CNST: variants seen among roughly 807,000 people sequenced by gnomAD.
The protein encoded by CNST is consortin, connexin sorting protein.
In CNST, 39 loss-of-function variants were observed where a neutral mutation model predicts 72.4. The ratio of observed to expected loss-of-function variants is 0.54; its 90% CI spans 0.42 to 0.70. CNST has a LOEUF of 0.70. Ranked by LOEUF, CNST falls within the 30% of genes least tolerant of loss-of-function variation. The probability of loss-of-function intolerance (pLI) is 0.00; values close to 1 mark genes in which losing one functional copy is unlikely to be tolerated. For synonymous variants in CNST, 332 were observed against 320.1 expected (o/e 1.04, Z -0.40); for missense variants, 871 against 868.5 (o/e 1.00, Z -0.04).
chr1:246,567,435 C>G (rs3120715), intron 1 of CNST, among the ~76,000 whole-genome samples: 14,836 of 151,748 alleles, frequency 0.098, 1,015 homozygotes, highest in East Asian at 0.17. Flanking sequence ...AAACTTAGAG[C>G]TTTTACCCAT....
At chr1:246,632,358 C>T in intron 4 of CNST, 1 of 275,848 alleles carries the variant, frequency 3.6e-6, no homozygotes, top group Non-Finnish European at 7.2e-6. Flanking sequence ...TGGTGAATCT[C>T]GTCGTATCTG....
chr1:246,629,509 G>A (rs1372407266), intron 3 of CNST, among the ~76,000 whole-genome samples: 1 of 152,120 alleles, frequency 6.6e-6, no homozygotes, highest in Non-Finnish European at 1.5e-5. Flanking sequence ...AGGAAATCTG[G>A]TGACATAATA....
At chr1:246,572,655 G>T (rs1338221039) in intron 1 of CNST, among the ~76,000 whole-genome samples, 2 of 151,998 alleles carry the variant, frequency 1.3e-5, no homozygotes, top group Non-Finnish European at 2.9e-5. Flanking sequence ...CCAGCCAAAT[G>T]TATGTTTTAT....
chr1:246,589,167 A>AG (rs1661379638), intron 1 of CNST, among the ~76,000 whole-genome samples: 1 of 151,956 alleles, frequency 6.6e-6, no homozygotes, highest in South Asian at 2.1e-4. Context: ...CACAATGTGC[A>AG]GGTTTGTTAC....
At chr1:246,600,042 G>A (rs1662166453) in intron 2 of CNST, among the ~76,000 whole-genome samples, 1 of 152,208 alleles carries the variant, frequency 6.6e-6, no homozygotes, top group South Asian at 2.1e-4. Context: ...AAGGTTGTCA[G>A]GAGGAGTTGG....
At position 246,665,709 on chromosome 1, in the gene CNST, G is replaced by A. The variant is rs1181492714; in HGVS notation, c.1982G>A (p.Gly661Glu). The change falls in exon 11 of 11, where the codon GGA becomes GAA. Residue 661 changes from glycine to glutamate, a missense_variant. Coordinates refer to ENST00000366513, the MANE Select transcript of CNST (RefSeq NM_152609.3). Reference sequence around the variant, plus strand: ...TTTCTCATGTTTGCAGATGAAGTTGGAGGTGGCTCCTGTATTTTGCTGGTC... The same window carrying A: ...TTTCTCATGTTTGCAGATGAAGTTGAAGGTGGCTCCTGTATTTTGCTGGTC... ...IDDSLDQDEVGGGSCILLVLL... is the reference protein window; with the variant it reads ...IDDSLDQDEVEGGSCILLVLL... The A allele has an allele frequency of 1.2e-5, 19 of 1,612,736 alleles. No individual in the cohort carries two copies. Among genetic ancestry groups the A allele is most frequent in the Non-Finnish European group, 1.6e-5 (19 of 1,179,974 alleles).
intron 1 of CNST, among the ~76,000 whole-genome samples, chr1:246,581,413 G>A (rs1660776114): frequency 6.6e-6 from 1 of 152,172 alleles, no homozygotes; most frequent in South Asian, 2.1e-4. Context: ...ACAGGCATGC[G>A]CCTCCACGCC....
At chr1:246,653,840 C>G (rs943249503) in intron 9 of CNST, among the ~76,000 whole-genome samples, 1 of 152,154 alleles carries the variant, frequency 6.6e-6, no homozygotes, top group East Asian at 1.9e-4. Flanking sequence ...ATTGGTCTTA[C>G]GTTAGCACTC....
chr1:246,634,639 G>A (rs1289986676), intron 6 of CNST, 52 bp downstream of exon 6: 2 of 888,456 alleles, frequency 2.3e-6, no homozygotes, highest in Non-Finnish European at 3.6e-6. Flanking sequence ...TATTGAAGAA[G>A]CATTATAGCA....
chr1:246,622,980 C>T (rs1664189845), intron 3 of CNST, among the ~76,000 whole-genome samples: 6 of 152,020 alleles, frequency 3.9e-5, no homozygotes, highest in Admixed American at 2.0e-4. Context: ...CACACCACCA[C>T]GCCTGGCTAA....
In CNST at chr1:246,577,516, G is replaced by T. The variant is rs143989599; in HGVS notation, c.-52+10853G>T. On this transcript the variant is annotated intron_variant, in intron 1 of 10. Coordinates refer to ENST00000366513, the MANE Select transcript of CNST (RefSeq NM_152609.3). ...AGACTTTACCTTTAAAATTCCAGGA[G>T]CATCCTGTTAGTAAAACAATGAGTT... Among the ~76,000 whole-genome samples the T allele has an allele frequency of 4.0e-3, 602 of 152,160 alleles. 12 individuals carry two copies. The highest frequency in any genetic ancestry group is 0.014 in the African/African-American group (578 of 41,436).
intron 9 of CNST, among the ~76,000 whole-genome samples, chr1:246,654,558 A>T (rs1275516183): frequency 2.0e-5 from 3 of 152,242 alleles, no homozygotes; most frequent in Admixed American, 2.0e-4. Context: ...TTATCGTAAG[A>T]CGCACACATA....
intron 6 of CNST, among the ~76,000 whole-genome samples, chr1:246,637,872 C>T (rs1293476083): frequency 6.6e-6 from 1 of 152,136 alleles, no homozygotes; most frequent in Non-Finnish European, 1.5e-5. Flanking sequence ...CTTCTACCCA[C>T]CCAGAGAAAG....
intron 9 of CNST, among the ~76,000 whole-genome samples, chr1:246,657,551 T>G (rs1404063888): frequency 3.3e-5 from 5 of 152,210 alleles, no homozygotes; most frequent in African/African-American, 1.2e-4. Flanking sequence ...CCCACACAAT[T>G]GTAATTTCTC....
At chr1:246,634,301 T>C (rs1664986554) in intron 5 of CNST, 172 bp from the exon 6 acceptor site, 2 of 569,760 alleles carry the variant, frequency 3.5e-6, no homozygotes, top group East Asian at 5.8e-5. Context: ...TCTAGGATGA[T>C]ATTTACTTAT....
intron 1 of CNST, among the ~76,000 whole-genome samples, chr1:246,576,427 T>C (rs1007589752): frequency 9.1e-4 from 136 of 149,290 alleles, no homozygotes; most frequent in Non-Finnish European, 7.0e-4. Flanking sequence ...TTTTTGCATG[T>C]CATAATTCGT....
At position 246,647,198 on chromosome 1, in the gene CNST, C is replaced by A; in HGVS notation, c.997C>A (p.Leu333Met). 6.2e-7 allele frequency: 1 copy of A among 1,614,156 alleles called. No homozygotes were observed. Residue 333 changes from leucine (L) to methionine (M), a missense_variant, in exon 9 of 11, where the codon CTG becomes ATG. By Grantham distance (15) the Leu-to-Met change is conservative (BLOSUM62 2). Transcript: ENST00000366513. ...AGAAAGCCAACATACAGTGGAGCCC[C>A]TGGGGAGCAGTCCCTGCTGTCATCA... ...SKESQHTVEP[L>M]GSSPCCHQMD...
intron 8 of CNST, among the ~76,000 whole-genome samples, chr1:246,646,723 G>A (rs547679282): frequency 1.4e-4 from 22 of 152,228 alleles, no homozygotes; most frequent in Non-Finnish European, 2.8e-4. Context: ...CAGGTGATCC[G>A]CCCACCTCGG....
intron 2 of CNST, among the ~76,000 whole-genome samples, chr1:246,592,400 A>C (rs1403602557): frequency 6.6e-6 from 1 of 152,190 alleles, no homozygotes; most frequent in Non-Finnish European, 1.5e-5. Flanking sequence ...AGGCAGGAGA[A>C]TCGCTTGAAC....
Sources: allele counts gnomAD v4.1 joint callset (sites outside exome capture counted in the v4.1 genomes callset), GRCh38; gene constraint gnomAD v4.1.1; transcripts MANE v1.5; gene names NCBI Gene and HGNC (gene_info 2026-07-23, HGNC 2026-07-21).